MAML3: variants seen among roughly 807,000 people sequenced by gnomAD.
MAML3 encodes mastermind like transcriptional coactivator 3, also known as mastermind-like protein 3.
In MAML3, 27 loss-of-function variants were observed where a neutral mutation model predicts 101.9. The ratio of observed to expected loss-of-function variants is 0.27; its 90% confidence interval spans 0.20 to 0.37. The LOEUF (loss-of-function observed/expected upper bound fraction) is 0.37. Among genes scored for constraint, MAML3 ranks in the 10% least tolerant of loss-of-function variants. MAML3 has a pLI of 1.00. For missense variants in MAML3, 1,316 were observed against 1,444.9 expected (o/e 0.91, Z 1.45); for synonymous variants, 501 against 555.9 (o/e 0.90, Z 1.39).
intron 1 of MAML3, among the ~76,000 whole-genome samples, chr4:139,960,077 G>A (rs536115850): frequency 2.6e-5 from 4 of 152,276 alleles, no homozygotes; most frequent in Admixed American, 1.3e-4. Context: ...AGGAAAGCTC[G>A]TGATGGTTTG....
chr4:139,750,138 A>G (rs559488937), intron 2 of MAML3, among the ~76,000 whole-genome samples: 2 of 152,276 alleles, frequency 1.3e-5, no homozygotes, highest in South Asian at 4.1e-4. Context: ...AACCCCCAAG[A>G]TAAGGTAGCT....
intron 2 of MAML3, among the ~76,000 whole-genome samples, chr4:139,887,058 C>T (rs796829048): frequency 6.6e-6 from 1 of 152,110 alleles, no homozygotes; most frequent in Non-Finnish European, 1.5e-5. Context: ...TAGCAGAAAA[C>T]GAAACTGAAC....
At chr4:139,723,271 G>A (rs545033395) in intron 4 of MAML3, among the ~76,000 whole-genome samples, 14 of 152,218 alleles carry the variant, frequency 9.2e-5, no homozygotes, top group African/African-American at 3.1e-4. Context: ...ATCTCTGGAT[G>A]GTGGGATTTC....
chr4:139,757,695 G>A (rs1486941406), intron 2 of MAML3, among the ~76,000 whole-genome samples: 1 of 148,160 alleles, frequency 6.7e-6, no homozygotes, highest in Non-Finnish European at 1.5e-5. Flanking sequence ...CACACTTCAT[G>A]ACCCACCTCT....
chr4:140,016,954 G>T (rs1371039734), intron 1 of MAML3, among the ~76,000 whole-genome samples: 2 of 152,156 alleles, frequency 1.3e-5, no homozygotes, highest in Non-Finnish European at 2.9e-5. Context: ...GGAAAATTTG[G>T]TAAGTTTTGT....
chr4:139,764,174 C>T (rs543768800), intron 2 of MAML3, among the ~76,000 whole-genome samples: 1 of 152,360 alleles, frequency 6.6e-6, no homozygotes, highest in South Asian at 2.1e-4. Context: ...CAAAAAGACA[C>T]TGCATACCTG....
intron 2 of MAML3, among the ~76,000 whole-genome samples, chr4:139,833,804 G>A (rs1432467758): frequency 6.6e-6 from 1 of 152,126 alleles, no homozygotes. Flanking sequence ...GGCTACTGAT[G>A]GGATGGGGGT....
intron 1 of MAML3, among the ~76,000 whole-genome samples, chr4:139,932,098 C>T (rs1052464825): frequency 7.2e-5 from 11 of 152,158 alleles, no homozygotes; most frequent in Middle Eastern, 3.4e-3. Context: ...TTTCTTTGCC[C>T]AAATTTTTGT....
chr4:139,814,013 T>TACACAA (rs1448173826), intron 2 of MAML3, among the ~76,000 whole-genome samples: 30 of 85,284 alleles, frequency 3.5e-4, no homozygotes, highest in African/African-American at 1.1e-3. Flanking sequence ...CTAGCTACAG[T>TACACAA]ACACAAACAC....
chr4:139,808,166 AT>A (rs2111109397), intron 2 of MAML3, among the ~76,000 whole-genome samples: 1 of 152,278 alleles, frequency 6.6e-6, no homozygotes, highest in South Asian at 2.1e-4. Context: ...TTTTCCAGCT[AT>A]TTTCATAACA....
intron 1 of MAML3, among the ~76,000 whole-genome samples, chr4:139,895,849 G>A (rs148012311): frequency 2.0e-5 from 3 of 152,186 alleles, no homozygotes; most frequent in African/African-American, 4.8e-5. Context: ...CACCTGATTG[G>A]AGCCTCCGAG....
At chr4:139,932,995 ATAGT>A (rs1422552418) in intron 1 of MAML3, among the ~76,000 whole-genome samples, 2 of 152,208 alleles carry the variant, frequency 1.3e-5, no homozygotes, top group Non-Finnish European at 2.9e-5. Context: ...ACAGGGAAAC[ATAGT>A]TAGCCGTGGC....
intron 1 of MAML3, among the ~76,000 whole-genome samples, chr4:140,103,601 T>C (rs1728286401): frequency 6.6e-6 from 1 of 152,228 alleles, no homozygotes; most frequent in Non-Finnish European, 1.5e-5. Context: ...AACCGGCATA[T>C]TGGAGATACA....
intron 1 of MAML3, among the ~76,000 whole-genome samples, chr4:139,902,572 C>T (rs3888255): frequency 0.4 from 60,714 of 152,028 alleles, 12,949 homozygotes; most frequent in South Asian, 0.67. Context: ...TTCTCACATA[C>T]AGGCAAACAT....
At chr4:139,828,761 C>T (rs1322104600) in intron 2 of MAML3, among the ~76,000 whole-genome samples, 9 of 141,300 alleles carry the variant, frequency 6.4e-5, no homozygotes, top group African/African-American at 2.1e-4. Context: ...TAATGAATTA[C>T]GGTCTTTACT....
At chr4:139,762,837 G>T (rs1453774474) in intron 2 of MAML3, among the ~76,000 whole-genome samples, 1 of 152,158 alleles carries the variant, frequency 6.6e-6, no homozygotes, top group Non-Finnish European at 1.5e-5. Flanking sequence ...AATCTGGTGG[G>T]GTGTGGCCAG....
At chr4:139,930,183 T>C (rs1010947768) in intron 1 of MAML3, among the ~76,000 whole-genome samples, 5 of 152,184 alleles carry the variant, frequency 3.3e-5, no homozygotes, top group Admixed American at 3.3e-4. Context: ...ATTATCCTCT[T>C]TGGGATATGA....
At chr4:139,993,511 C>A (rs1734744422) in intron 1 of MAML3, among the ~76,000 whole-genome samples, 1 of 150,110 alleles carries the variant, frequency 6.7e-6, no homozygotes, top group African/African-American at 2.5e-5. Context: ...TTTTCTTAAT[C>A]TCCTCTTCTG....
intron 2 of MAML3, among the ~76,000 whole-genome samples, chr4:139,791,783 G>A (rs1335846556): frequency 1.3e-5 from 2 of 152,174 alleles, no homozygotes; most frequent in Non-Finnish European, 2.9e-5. Context: ...ATATTTTACA[G>A]TATTTCCAGC....
Sources: gnomAD v4.1 joint callset for allele counts (sites outside exome capture counted in the v4.1 genomes callset) on GRCh38, gnomAD v4.1.1 for gene constraint, MANE v1.5 for transcripts, NCBI Gene and HGNC (gene_info 2026-07-23, HGNC 2026-07-21) for gene names.